The following CSMD1 variants were observed in gnomAD, a reference collection of about 807,000 sequenced individuals.
CSMD1 encodes CUB and sushi domain-containing protein 1.
Under a neutral mutation model 417.5 loss-of-function variants are expected in CSMD1, and 213 were observed. The ratio of observed to expected loss-of-function variants is 0.51; its 90% confidence interval spans 0.46 to 0.57. The LOEUF (loss-of-function observed/expected upper bound fraction) is 0.57, where lower values mean the gene tolerates loss of function less well. Among genes scored for constraint, CSMD1 ranks in the 20% least tolerant of loss-of-function variants. The pLI is 0.00. For synonymous variants in CSMD1, 2,862 were observed against 1,736.8 expected, an observed-to-expected ratio of 1.65 and a Z score of -16.11; for missense variants, 6,923 against 4,529.7, an observed-to-expected ratio of 1.53 and a Z score of -15.17.
chr8:3,949,402 TCTAA>T (rs1454253593), intron 5 of CSMD1, among the ~76,000 whole-genome samples: 2 of 152,194 alleles, frequency 1.3e-5, no homozygotes, highest in Non-Finnish European at 2.9e-5. Context: ...CTCAGACTAT[TCTAA>T]CTATCACATG....
At chr8:4,692,437 G>C (rs550543403) in intron 1 of CSMD1, among the ~76,000 whole-genome samples, 1 of 152,182 alleles carries the variant, frequency 6.6e-6, no homozygotes, top group Non-Finnish European at 1.5e-5. Flanking sequence ...TTAAAGAGTA[G>C]ACCGTCCTTG....
Position 3,323,701 on chromosome 8 carries a change from G to A in CSMD1, c.3632-15198C>T, listed in dbSNP as rs557273084. Among the ~76,000 whole-genome samples, 86 of 152,262 alleles carry A rather than the reference G, an allele frequency of 5.6e-4. 1 individual carries two copies. The highest frequency in any genetic ancestry group is 4.3e-3 in the Admixed American group (66 of 15,284). ...GATGAAGCAGCAGGTAAGTAGCAGA[G>A]CCAAGAGGCCCACATCCAACCCCAG... On this transcript the variant is annotated intron_variant, in intron 23 of 69. Coordinates refer to ENST00000635120, the MANE Select transcript of CSMD1 (RefSeq NM_033225.6).
At chr8:4,427,738 T>C (rs1797645081) in intron 2 of CSMD1, among the ~76,000 whole-genome samples, 1 of 151,312 alleles carries the variant, frequency 6.6e-6, no homozygotes, top group South Asian at 2.1e-4. Context: ...AAACTATTAA[T>C]ATAAAGTATA....
At chr8:3,385,936 G>A (rs1402918380) in intron 18 of CSMD1, among the ~76,000 whole-genome samples, 1 of 152,032 alleles carries the variant, frequency 6.6e-6, no homozygotes, top group African/African-American at 2.4e-5. Context: ...GGTAATTTCT[G>A]CCACCATCTG....
intron 3 of CSMD1, among the ~76,000 whole-genome samples, chr8:4,080,923 G>C (rs924683897): frequency 6.6e-6 from 1 of 152,148 alleles, no homozygotes; most frequent in Non-Finnish European, 1.5e-5. Context: ...GGGCCTTTGT[G>C]AGGTGATTAG....
At chr8:3,865,766 G>T (rs948755300) in intron 5 of CSMD1, among the ~76,000 whole-genome samples, 1 of 152,014 alleles carries the variant, frequency 6.6e-6, no homozygotes, top group African/African-American at 2.4e-5. Context: ...TATTTGCTAG[G>T]TTTCCGTCAT....
chr8:4,156,647 A>G (rs934858580), intron 3 of CSMD1, among the ~76,000 whole-genome samples: 4 of 152,186 alleles, frequency 2.6e-5, no homozygotes, highest in African/African-American at 9.7e-5. Flanking sequence ...TGGTGATACC[A>G]GGTACCCATC....
At chr8:3,651,914 C>T (rs1452037277) in intron 7 of CSMD1, among the ~76,000 whole-genome samples, 1 of 151,702 alleles carries the variant, frequency 6.6e-6, no homozygotes, top group Non-Finnish European at 1.5e-5. Flanking sequence ...TGCTTACCAT[C>T]ATCAGAGCAC....
intron 11 of CSMD1, among the ~76,000 whole-genome samples, chr8:3,492,411 T>C (rs765373069): frequency 9.2e-5 from 14 of 152,226 alleles, no homozygotes; most frequent in Non-Finnish European, 1.8e-4. Context: ...CTCAGTAGTA[T>C]ATAAGTAGAC....
chr8:4,151,656 T>G (rs1046142745), intron 3 of CSMD1, among the ~76,000 whole-genome samples: 5 of 152,196 alleles, frequency 3.3e-5, no homozygotes, highest in African/African-American at 1.2e-4. Context: ...GCATCATTAT[T>G]ATTATGTCAA....
chr8:4,788,079 G>C (rs751967319), intron 1 of CSMD1: 39 of 1,601,036 alleles, frequency 2.4e-5, no homozygotes, highest in African/African-American at 6.7e-5. Context: ...AGAGAAAGTA[G>C]AGTTGCTTTT....
At chr8:3,592,228 T>C (rs937490406) in intron 8 of CSMD1, among the ~76,000 whole-genome samples, 13 of 152,034 alleles carry the variant, frequency 8.6e-5, no homozygotes, top group Admixed American at 2.6e-4. Flanking sequence ...GATAGATAGA[T>C]ACATAGATGG....
chr8:4,445,175 CCTTT>C (rs1798710037), intron 2 of CSMD1, among the ~76,000 whole-genome samples: 1 of 152,046 alleles, frequency 6.6e-6, no homozygotes, highest in African/African-American at 2.4e-5. Flanking sequence ...GAATCTGACA[CCTTT>C]TTTTTAATGT....
chr8:4,938,296 T>G (rs918397786), intron 1 of CSMD1, among the ~76,000 whole-genome samples: 1 of 152,092 alleles, frequency 6.6e-6, no homozygotes, highest in Non-Finnish European at 1.5e-5. Context: ...AGTGGGAAAT[T>G]TGACAGGAAA....
chr8:4,496,621 T>G (rs961564739), intron 2 of CSMD1, among the ~76,000 whole-genome samples: 2 of 152,128 alleles, frequency 1.3e-5, no homozygotes, highest in Non-Finnish European at 2.9e-5. Flanking sequence ...CCTGGTTTGT[T>G]CCTCCTCTCC....
intron 5 of CSMD1, among the ~76,000 whole-genome samples, chr8:3,817,201 T>G (rs1801423249): frequency 6.9e-6 from 1 of 144,714 alleles, no homozygotes; most frequent in African/African-American, 2.5e-5. Context: ...AATGGTCAAT[T>G]GTCCACTCTG....
At chr8:3,647,343 C>T (rs1009142007) in intron 7 of CSMD1, among the ~76,000 whole-genome samples, 2 of 151,526 alleles carry the variant, frequency 1.3e-5, no homozygotes, top group African/African-American at 2.4e-5. Context: ...GTAAATATGG[C>T]AGAGAGAGAA....
intron 6 of CSMD1, among the ~76,000 whole-genome samples, chr8:3,738,948 G>A (rs2466282): frequency 0.93 from 141,861 of 152,140 alleles, 66,966 homozygotes; most frequent in Non-Finnish European, 1. Context: ...GCGCATATTT[G>A]TATGCACAAA....
intron 2 of CSMD1, among the ~76,000 whole-genome samples, chr8:4,595,607 G>C (rs1405235892): frequency 1.3e-5 from 2 of 151,988 alleles, no homozygotes; most frequent in Admixed American, 6.6e-5. Context: ...CCTTACTTAA[G>C]TATAACCAGT....
Sources: allele counts gnomAD v4.1 joint callset (sites outside exome capture counted in the v4.1 genomes callset), GRCh38; gene constraint gnomAD v4.1.1; transcripts MANE v1.5; gene names NCBI Gene and HGNC (gene_info 2026-07-23, HGNC 2026-07-21).